The following AGMO variants were observed in gnomAD, a reference collection of about 807,000 sequenced individuals.
AGMO encodes alkylglycerol monooxygenase.
Under a neutral mutation model 60.2 loss-of-function variants are expected in AGMO, and 75 were observed. That is an observed-to-expected ratio of 1.25 (90% CI 1.03 to 1.51). AGMO has a LOEUF of 1.51. Among genes scored for constraint, AGMO ranks in the 40% most tolerant of loss-of-function variants. The probability of loss-of-function intolerance (pLI) is 0.00; values close to 1 mark genes in which losing one functional copy is unlikely to be tolerated. For synonymous variants in AGMO, 261 were observed against 177.1 expected (o/e 1.47, Z -3.76); for missense variants, 763 against 525.5 (o/e 1.45, Z -4.42).
At chr7:15,242,872 T>C (rs1782632564) in intron 12 of AGMO, among the ~76,000 whole-genome samples, 1 of 152,090 alleles carries the variant, frequency 6.6e-6, no homozygotes, top group African/African-American at 2.4e-5. Flanking sequence ...AGAAATAAGA[T>C]AAATGACATT....
chr7:15,126,357 A>G, the AGMO span, among the ~76,000 whole-genome samples: 4 of 152,264 alleles, frequency 2.6e-5, no homozygotes, highest in Admixed American at 2.6e-4. Context: ...ATCCAAATTT[A>G]TATGAATCAT....
intron 3 of AGMO, among the ~76,000 whole-genome samples, chr7:15,538,623 A>C (rs1303605010): frequency 6.6e-6 from 1 of 152,222 alleles, no homozygotes; most frequent in East Asian, 1.9e-4. Flanking sequence ...GTATCAAAAA[A>C]GAAACACAAG....
chr7:15,177,289 C>G, the AGMO span, among the ~76,000 whole-genome samples: 2 of 151,596 alleles, frequency 1.3e-5, no homozygotes, highest in Non-Finnish European at 2.9e-5. Flanking sequence ...AAAGATGTTT[C>G]TTTGTTTGTT....
chr7:15,306,411 A>G, intron 12 of AGMO: 1 of 393,550 alleles, frequency 2.5e-6, no homozygotes, highest in Non-Finnish European at 5.1e-6. Flanking sequence ...GCTACAAAAA[A>G]ATAGTTTGGT....
chr7:15,443,084 A>G lies in AGMO; in HGVS notation c.410-11976T>C, dbSNP rs138657560. ...TGCTGAGAGCTACTTCCACTCAATA[A>G]AACCTTGCACTCATTGTCCAAGTCC... On this transcript the variant is annotated intron_variant, in intron 3 of 12. Coordinates refer to ENST00000342526, the MANE Select transcript of AGMO (RefSeq NM_001004320.2). Among the ~76,000 whole-genome samples the G allele has an allele frequency of 3.2e-4, 49 of 152,300 alleles. No individual in the cohort carries two copies. In the East Asian group the frequency reaches 7.5e-3, roughly 23 times the overall value.
At chr7:15,171,028 T>G in the AGMO span, among the ~76,000 whole-genome samples, 1 of 152,140 alleles carries the variant, frequency 6.6e-6, no homozygotes, top group African/African-American at 2.4e-5. Flanking sequence ...CAGGCTGGAG[T>G]GCAGTGGCGT....
intron 12 of AGMO, among the ~76,000 whole-genome samples, chr7:15,363,494 T>C (rs1179323254): frequency 6.6e-6 from 1 of 152,178 alleles, no homozygotes; most frequent in Non-Finnish European, 1.5e-5. Flanking sequence ...AGACCAAGAA[T>C]AGGTAAGTGG....
chr7:15,369,784 T>TAGAA (rs1562464569), intron 10 of AGMO, among the ~76,000 whole-genome samples: 1 of 152,162 alleles, frequency 6.6e-6, no homozygotes, highest in East Asian at 1.9e-4. Context: ...GCCTAGAATA[T>TAGAA]AGAACTCAAT....
At chr7:15,366,316 G>T in intron 10 of AGMO, 94 bp from the exon 11 acceptor site, 1 of 820,852 alleles carries the variant, frequency 1.2e-6, no homozygotes, top group Non-Finnish European at 2.0e-6. Flanking sequence ...CAAATTTTAT[G>T]TCCTGTTGCA....
At chr7:15,500,888 T>C (rs916761792) in intron 3 of AGMO, among the ~76,000 whole-genome samples, 4 of 150,190 alleles carry the variant, frequency 2.7e-5, no homozygotes, top group African/African-American at 9.7e-5. Flanking sequence ...GCATGTTGTA[T>C]ATTTGTTCTC....
At chr7:15,554,426 G>C (rs1785069291) in intron 2 of AGMO, among the ~76,000 whole-genome samples, 1 of 151,930 alleles carries the variant, frequency 6.6e-6, no homozygotes, top group Non-Finnish European at 1.5e-5. Context: ...GACCAGGAAA[G>C]TGATCTAAAT....
intron 3 of AGMO, among the ~76,000 whole-genome samples, chr7:15,525,805 C>T (rs1784114592): frequency 2.0e-5 from 3 of 152,128 alleles, no homozygotes; most frequent in South Asian, 2.1e-4. Context: ...GTGAGTGCAC[C>T]GCCACCCATC....
intron 3 of AGMO, among the ~76,000 whole-genome samples, chr7:15,522,022 GC>G (rs1784007524): frequency 6.6e-6 from 1 of 152,128 alleles, no homozygotes; most frequent in Non-Finnish European, 1.5e-5. Flanking sequence ...AAATCAATGT[GC>G]AAAAATCACA....
At chr7:15,331,512 G>T (rs892792844) in intron 12 of AGMO, among the ~76,000 whole-genome samples, 17 of 152,196 alleles carry the variant, frequency 1.1e-4, no homozygotes, top group Admixed American at 2.6e-4. Context: ...TAGAAGCCCT[G>T]TGTGAAAACA....
At chr7:15,490,145 T>C (rs1783034225) in intron 3 of AGMO, among the ~76,000 whole-genome samples, 2 of 152,202 alleles carry the variant, frequency 1.3e-5, no homozygotes, top group Admixed American at 6.5e-5. Context: ...AAATGGACTA[T>C]TGTGTTGTAA....
chr7:15,161,545 A>C, the AGMO span, among the ~76,000 whole-genome samples: 5 of 151,730 alleles, frequency 3.3e-5, no homozygotes, highest in African/African-American at 9.7e-5. Context: ...TATATGCATT[A>C]ATACATATAT....
intron 12 of AGMO, among the ~76,000 whole-genome samples, chr7:15,252,331 C>G (rs577347387): frequency 1.3e-5 from 2 of 152,328 alleles, no homozygotes; most frequent in South Asian, 4.1e-4. Context: ...TTCTAGTACT[C>G]ATGCCCTGTG....
downstream of AGMO, among the ~76,000 whole-genome samples, chr7:15,196,564 G>A (rs1781121809): frequency 6.6e-6 from 1 of 152,090 alleles, no homozygotes; most frequent in African/African-American, 2.4e-5. Flanking sequence ...TTCTAGTTTG[G>A]CTGTAGCTTC....
intron 3 of AGMO, among the ~76,000 whole-genome samples, chr7:15,453,112 T>C (rs1048362794): frequency 6.6e-5 from 10 of 152,136 alleles, no homozygotes; most frequent in African/African-American, 2.2e-4. Flanking sequence ...CCAGATCTCC[T>C]TGGAGGTGAT....
Sources: gnomAD v4.1 joint callset for allele counts (sites outside exome capture counted in the v4.1 genomes callset) on GRCh38, gnomAD v4.1.1 for gene constraint, MANE v1.5 for transcripts, NCBI Gene and HGNC (gene_info 2026-07-23, HGNC 2026-07-21) for gene names.